Variants in LOC128462377 observed in about 807,000 individuals in gnomAD.
At chr16:89,331,837 T>C in the LOC128462377 span, among the ~76,000 whole-genome samples, 4 of 152,188 alleles carry the variant, frequency 2.6e-5, no homozygotes, top group African/African-American at 9.7e-5. Flanking sequence ...TGGTTTTGAA[T>C]GTTTTCGGCG....
chr16:89,389,883 C>T, the LOC128462377 span, among the ~76,000 whole-genome samples: 91 of 110,262 alleles, frequency 8.3e-4, no homozygotes, highest in African/African-American at 3.1e-3. Context: ...GGGCGAACAC[C>T]GAGTGTGGCG....
chr16:89,348,371 G>C, the LOC128462377 span, among the ~76,000 whole-genome samples: 2 of 152,252 alleles, frequency 1.3e-5, no homozygotes, highest in South Asian at 4.2e-4. Context: ...TTGCTCATGA[G>C]GTATCGCTAT....
At chr16:89,317,785 T>G in the LOC128462377 span, among the ~76,000 whole-genome samples, 4 of 152,188 alleles carry the variant, frequency 2.6e-5, no homozygotes, top group East Asian at 7.7e-4. Context: ...ATGTTTTATT[T>G]TAGGAAATTT....
chr16:89,328,536 G>A, the LOC128462377 span, among the ~76,000 whole-genome samples: 1 of 151,930 alleles, frequency 6.6e-6, no homozygotes, highest in South Asian at 2.1e-4. Flanking sequence ...ACACCCAAGC[G>A]TATGGGTGAA....
the LOC128462377 span, among the ~76,000 whole-genome samples, chr16:89,388,970 C>G: frequency 6.6e-6 from 1 of 152,204 alleles, no homozygotes; most frequent in Non-Finnish European, 1.5e-5. Flanking sequence ...ATACAATTAT[C>G]CAGCACATAA....
chr16:89,335,115 C>T, the LOC128462377 span, among the ~76,000 whole-genome samples: 1 of 152,308 alleles, frequency 6.6e-6, no homozygotes, highest in South Asian at 2.1e-4. Context: ...CCCCAAATAA[C>T]TAATCAGGAC....
At chr16:89,330,471 C>T in the LOC128462377 span, among the ~76,000 whole-genome samples, 14 of 151,912 alleles carry the variant, frequency 9.2e-5, no homozygotes, top group African/African-American at 3.4e-4. Flanking sequence ...GACACGGCTG[C>T]GGATGTGTGG....
chr16:89,320,630 C>A, the LOC128462377 span, among the ~76,000 whole-genome samples: 1 of 152,046 alleles, frequency 6.6e-6, no homozygotes, highest in African/African-American at 2.4e-5. Context: ...GGTGGGAGTC[C>A]CCCACACGAG....
At chr16:89,392,608 G>C in the LOC128462377 span, 2 of 151,754 alleles carry the variant, frequency 1.3e-5, no homozygotes, top group African/African-American at 4.8e-5. Context: ...GACCTGTCTT[G>C]GTTGTCCCTC....
the LOC128462377 span, among the ~76,000 whole-genome samples, chr16:89,382,657 C>G: frequency 1.8e-3 from 268 of 152,050 alleles, 9 homozygotes; most frequent in Admixed American, 0.014. Flanking sequence ...CAATTCCCCC[C>G]CTCCAGTAGA....
At chr16:89,348,486 C>A in the LOC128462377 span, among the ~76,000 whole-genome samples, 18 of 152,192 alleles carry the variant, frequency 1.2e-4, 1 homozygote, top group South Asian at 4.2e-4. Flanking sequence ...GGATGTGTAC[C>A]CTCCTCTGTT....
chr16:89,364,183 G>T, the LOC128462377 span, among the ~76,000 whole-genome samples: 3 of 152,200 alleles, frequency 2.0e-5, no homozygotes, highest in Non-Finnish European at 2.9e-5. Flanking sequence ...GGGCCCACGA[G>T]GACCCTGCCA....
chr16:89,402,432 C>A, the LOC128462377 span, among the ~76,000 whole-genome samples: 1 of 152,074 alleles, frequency 6.6e-6, no homozygotes, highest in African/African-American at 2.4e-5. Context: ...CTGTACCTAA[C>A]ACATGAGGAA....
the LOC128462377 span, among the ~76,000 whole-genome samples, chr16:89,394,038 G>A: frequency 6.6e-6 from 1 of 152,138 alleles, no homozygotes; most frequent in African/African-American, 2.4e-5. Context: ...GCAACACAGC[G>A]GTGCCTGCAG....
chr16:89,388,725 C>A, the LOC128462377 span, among the ~76,000 whole-genome samples: 2 of 152,146 alleles, frequency 1.3e-5, no homozygotes, highest in Admixed American at 1.3e-4. Context: ...GAAGAGCCGG[C>A]AGGTCCCGGG....
chr16:89,335,278 G>A, the LOC128462377 span, among the ~76,000 whole-genome samples: 1 of 152,192 alleles, frequency 6.6e-6, no homozygotes, highest in African/African-American at 2.4e-5. Flanking sequence ...GAAGAGGCCA[G>A]TGCACCCCCA....
the LOC128462377 span, among the ~76,000 whole-genome samples, chr16:89,335,469 C>G: frequency 1.3e-5 from 2 of 152,220 alleles, no homozygotes; most frequent in African/African-American, 4.8e-5. Context: ...ACCTAGCACG[C>G]AGTACGCAGT....
At chr16:89,325,514 C>T in the LOC128462377 span, among the ~76,000 whole-genome samples, 1 of 151,240 alleles carries the variant, frequency 6.6e-6, no homozygotes, top group Non-Finnish European at 1.5e-5. Flanking sequence ...ATGTTGGGGA[C>T]AAAATACATG....
chr16:89,357,939 A>C, the LOC128462377 span, among the ~76,000 whole-genome samples: 1 of 152,248 alleles, frequency 6.6e-6, no homozygotes, highest in Non-Finnish European at 1.5e-5. Flanking sequence ...AAAAGTAGTA[A>C]ATCCTTTCAA....
Sources: gnomAD v4.1 joint callset for allele counts (sites outside exome capture counted in the v4.1 genomes callset) on GRCh38, gnomAD v4.1.1 for gene constraint, MANE v1.5 for transcripts.